LPAR1: variants seen among roughly 807,000 people sequenced by gnomAD.
LPAR1 encodes the protein LPA receptor 1.
In LPAR1, 5 loss-of-function variants were observed where a neutral mutation model predicts 23.8. The ratio of observed to expected loss-of-function variants is 0.21; its 90% CI spans 0.11 to 0.44. The LOEUF (loss-of-function observed/expected upper bound fraction) is 0.44. Ranked by LOEUF, LPAR1 falls within the 20% of genes least tolerant of loss-of-function variation. The pLI is 0.99. For synonymous variants in LPAR1, 160 were observed against 164.7 expected, an observed-to-expected ratio of 0.97 and a Z score of 0.22; for missense variants, 311 against 482.8, an observed-to-expected ratio of 0.64 and a Z score of 3.33.
intron 5 of LPAR1, among the ~76,000 whole-genome samples, chr9:110,913,567 TATC>T (rs1218510348): frequency 3.1e-4 from 46 of 147,904 alleles, no homozygotes; most frequent in Non-Finnish European, 5.7e-4. Flanking sequence ...TATATATATA[TATC>T]CATTTTTAGC....
intron 5 of LPAR1, among the ~76,000 whole-genome samples, chr9:110,908,923 T>C (rs1394411325): frequency 1.3e-5 from 2 of 152,188 alleles, no homozygotes; most frequent in Admixed American, 6.5e-5. Context: ...AACATAGAAA[T>C]TGACCTTTTT....
intron 5 of LPAR1, among the ~76,000 whole-genome samples, chr9:110,912,278 T>C (rs2092550449): frequency 6.6e-6 from 1 of 152,214 alleles, no homozygotes; most frequent in Non-Finnish European, 1.5e-5. Flanking sequence ...GTACTTCACA[T>C]TACAGAATTG....
At chr9:111,002,172 C>T (rs2097139963) in intron 2 of LPAR1, among the ~76,000 whole-genome samples, 1 of 152,150 alleles carries the variant, frequency 6.6e-6, no homozygotes, top group African/African-American at 2.4e-5. Flanking sequence ...CTTTATATAA[C>T]ACTTACATGT....
chr9:111,023,075 A>AC (rs1457648525), intron 2 of LPAR1, among the ~76,000 whole-genome samples: 1 of 151,390 alleles, frequency 6.6e-6, no homozygotes, highest in African/African-American at 2.4e-5. Context: ...AAAAAAAAAA[A>AC]AACCCTGCTA....
At chr9:110,940,269 C>A (rs1263559097) in intron 5 of LPAR1, among the ~76,000 whole-genome samples, 4 of 152,152 alleles carry the variant, frequency 2.6e-5, no homozygotes, top group Admixed American at 6.6e-5. Flanking sequence ...CAGACGAGAC[C>A]TATGCATCAA....
intron 5 of LPAR1, among the ~76,000 whole-genome samples, chr9:110,886,101 G>A (rs979722455): frequency 7.9e-5 from 12 of 151,954 alleles, no homozygotes; most frequent in Admixed American, 4.6e-4. Context: ...CGGAGTCTAC[G>A]GCAGGAGAAT....
chr9:110,930,902 C>T (rs1015379140), intron 5 of LPAR1, among the ~76,000 whole-genome samples: 1 of 151,846 alleles, frequency 6.6e-6, no homozygotes, highest in Non-Finnish European at 1.5e-5. Flanking sequence ...GCAACAAGAG[C>T]GAAATTCCGT....
At chr9:111,022,199 G>A (rs1198149643) in intron 2 of LPAR1, among the ~76,000 whole-genome samples, 1 of 152,098 alleles carries the variant, frequency 6.6e-6, no homozygotes, top group Non-Finnish European at 1.5e-5. Context: ...TAAACAGCCA[G>A]AGCAAAGTTG....
intron 2 of LPAR1, among the ~76,000 whole-genome samples, chr9:110,994,234 C>T (rs953000087): frequency 1.3e-5 from 2 of 152,106 alleles, no homozygotes; most frequent in African/African-American, 4.8e-5. Flanking sequence ...CACTGAGGAA[C>T]ATTCTACACA....
chr9:111,038,756 C>A, upstream of LPAR1: 1 of 405,136 alleles, frequency 2.5e-6, no homozygotes. This position sits in a 1 kb window ranked among gnomAD's most constrained non-coding sequence, Gnocchi z 4.4. Flanking sequence ...GTGGCCTTAG[C>A]CTCCCATTCA....
chr9:111,031,254 G>T (rs1206555714), intron 2 of LPAR1, among the ~76,000 whole-genome samples: 1 of 151,954 alleles, frequency 6.6e-6, no homozygotes, highest in Non-Finnish European at 1.5e-5. Context: ...ACCATGACAG[G>T]GTGACTTCAA....
intron 5 of LPAR1, among the ~76,000 whole-genome samples, chr9:110,936,677 A>G (rs2094727980): frequency 6.6e-6 from 1 of 152,182 alleles, no homozygotes; most frequent in Admixed American, 6.5e-5. Context: ...ACCAGAACAA[A>G]CTAGAAAAAC....
At chr9:110,882,382 C>A (rs546190255) in intron 5 of LPAR1, among the ~76,000 whole-genome samples, 1 of 152,190 alleles carries the variant, frequency 6.6e-6, no homozygotes, top group South Asian at 2.1e-4. Context: ...GTACATATAT[C>A]CCAAACAAGA....
chr9:110,973,926 T>A (rs1259793855), intron 2 of LPAR1, among the ~76,000 whole-genome samples: 1 of 152,174 alleles, frequency 6.6e-6, no homozygotes, highest in African/African-American at 2.4e-5. Flanking sequence ...ATCTCAAAAC[T>A]TTGGGAGGCC....
At chr9:111,027,227 G>A (rs868488860) in intron 2 of LPAR1, among the ~76,000 whole-genome samples, 38 of 152,212 alleles carry the variant, frequency 2.5e-4, no homozygotes, top group Non-Finnish European at 1.2e-4. Context: ...AAATCAACAG[G>A]CCAGGTGCGG....
rs969940065 is a variant in LPAR1 at position 110,875,207 on chromosome 9, G to A, written c.*214C>T. 3.0e-5 allele frequency: 14 copies of A among 463,330 alleles called. No homozygotes were observed. The highest frequency in any genetic ancestry group is 2.5e-4 in the African/African-American group (13 of 51,422). The allele number at this position is 463,330 out of a possible 1,614,324, so 28.7% of individuals were successfully genotyped here. A position where few individuals can be genotyped will look rare whatever the true frequency, so the allele number is the denominator to read the frequency against. ...GCTCCAACTTCCTACTTTCAGAAGG[G>A]ATGGGGATCAAGATGAGGGTTGTCA... On this transcript the variant is annotated 3_prime_UTR_variant, in exon 6 of 6. Transcript: ENST00000683809.
Position 111,021,963 on chromosome 9 carries a change from CAAAAAA to C in LPAR1, c.-182+14153_-182+14158del, listed in dbSNP as rs3030187. 1.3e-4 allele frequency among the ~76,000 whole-genome samples: 9 copies of C among 69,872 alleles called. No homozygotes were observed. The East Asian group carries it at 1.9e-3, about 15-fold the overall frequency. The allele number at this position is 69,872 out of a possible 152,430, so 45.8% of individuals were successfully genotyped here. A position where few individuals can be genotyped will look rare whatever the true frequency, so the allele number is the denominator to read the frequency against. On this transcript the variant is annotated intron_variant, in intron 2 of 5. Coordinates refer to ENST00000683809, the MANE Select transcript of LPAR1 (RefSeq NM_001351411.2). Reference sequence around the variant, plus strand: ...TGGGTGACAGAGCGAGACTCCGTCACAAAAAAAAAAAAAAAAAAAAAAAAAAGTCTC... The same window carrying C: ...TGGGTGACAGAGCGAGACTCCGTCACAAAAAAAAAAAAAAAAAAAAGTCTC...
In LPAR1 at chr9:110,961,829, A is replaced by G. The variant is rs148705846; in HGVS notation, c.45+10244T>C. Among the ~76,000 whole-genome samples the G allele has an allele frequency of 6.5e-3, 982 of 152,220 alleles. 11 individuals are homozygous for G. Among genetic ancestry groups the G allele is most frequent in the African/African-American group, 0.022 (921 of 41,538 alleles). On this transcript the variant is annotated intron_variant, in intron 4 of 5. Coordinates refer to ENST00000683809, the MANE Select transcript of LPAR1 (RefSeq NM_001351411.2). ...GAGACTTATTTACTATCATGAGAAC[A>G]GCATGGGAAAAACCCACCCCCGTGA...
At chr9:110,923,716 G>A (rs529303492) in intron 5 of LPAR1, among the ~76,000 whole-genome samples, 3 of 152,122 alleles carry the variant, frequency 2.0e-5, no homozygotes, top group African/African-American at 7.2e-5. Context: ...CATTTAACAC[G>A]CAAGGAAACT....
Sources: gnomAD v4.1 joint callset for allele counts (sites outside exome capture counted in the v4.1 genomes callset) on GRCh38, gnomAD v4.1.1 for gene constraint, Gnocchi (gnomAD v3.1) non-coding constraint, MANE v1.5 for transcripts, NCBI Gene and HGNC (gene_info 2026-07-23, HGNC 2026-07-21) for gene names.